The following TPRG1 variants were observed in gnomAD, a reference collection of about 807,000 sequenced individuals.
TPRG1 encodes the protein tumor protein p63 regulated 1, also known as tumor protein p63-regulated gene 1 protein.
A neutral mutation model predicts 29.3 loss-of-function variants in TPRG1; 29 were observed. The ratio of observed to expected loss-of-function variants is 0.99; its 90% CI spans 0.74 to 1.35. TPRG1 has a LOEUF of 1.35. TPRG1 is among the 40% of genes most tolerant of loss of function. The probability of loss-of-function intolerance (pLI) is 0.00; values close to 1 mark genes in which losing one functional copy is unlikely to be tolerated. For synonymous variants in TPRG1, 130 were observed against 116.8 expected (o/e 1.11, Z -0.73); for missense variants, 327 against 335.0 (o/e 0.98, Z 0.19).
intron 1 of TPRG1, among the ~76,000 whole-genome samples, chr3:189,113,602 G>A (rs1431908458): frequency 1.4e-4 from 21 of 152,150 alleles, no homozygotes; most frequent in African/African-American, 4.8e-4. Context: ...GTTGAATTTT[G>A]TCAAAGGCCT....
chr3:189,038,378 A>G (rs1274689443), intron 4 of TPRG1, among the ~76,000 whole-genome samples: 2 of 152,132 alleles, frequency 1.3e-5, no homozygotes, highest in Non-Finnish European at 2.9e-5. Flanking sequence ...TATATAATCA[A>G]TTGATATAAT....
chr3:189,118,690 G>A (rs915133148), intron 1 of TPRG1, among the ~76,000 whole-genome samples: 6 of 152,236 alleles, frequency 3.9e-5, no homozygotes, highest in Admixed American at 2.0e-4. Context: ...TTGCTTCAGC[G>A]AGTGCAAACC....
At chr3:189,052,191 A>T (rs1715363974) in intron 4 of TPRG1, among the ~76,000 whole-genome samples, 1 of 152,248 alleles carries the variant, frequency 6.6e-6, no homozygotes, top group African/African-American at 2.4e-5. Flanking sequence ...TTTACAACCT[A>T]TACATCTGCC....
chr3:189,309,250 T>TA (rs1722112351), intron 4 of TPRG1, among the ~76,000 whole-genome samples: 1 of 152,054 alleles, frequency 6.6e-6, no homozygotes, highest in Non-Finnish European at 1.5e-5. Flanking sequence ...AGCGGAGTGT[T>TA]ATATGCATTT....
chr3:189,015,195 G>T (rs1190150663), intron 3 of TPRG1, among the ~76,000 whole-genome samples: 1 of 152,186 alleles, frequency 6.6e-6, no homozygotes, highest in Non-Finnish European at 1.5e-5. Context: ...GAAAAGACTG[G>T]TGGCATTGTG....
intron 5 of TPRG1, among the ~76,000 whole-genome samples, chr3:189,160,573 G>A (rs1419929713): frequency 6.6e-6 from 1 of 152,210 alleles, no homozygotes; most frequent in Non-Finnish European, 1.5e-5. Context: ...GAGAAGAAAA[G>A]AGGGATAGCG....
At chr3:189,137,685 G>T (rs1723947745) in intron 3 of TPRG1, among the ~76,000 whole-genome samples, 1 of 152,070 alleles carries the variant, frequency 6.6e-6, no homozygotes, top group Non-Finnish European at 1.5e-5. Context: ...GGAGAGAGAG[G>T]CAGGAGGCCT....
chr3:189,295,789 A>G (rs1412204455), intron 4 of TPRG1, among the ~76,000 whole-genome samples: 2 of 152,118 alleles, frequency 1.3e-5, no homozygotes, highest in African/African-American at 2.4e-5. Flanking sequence ...TGGCTCTTAC[A>G]GTATTTTGGA....
intron 1 of TPRG1, chr3:189,121,210 A>G (rs1255423773): frequency 6.6e-6 from 1 of 152,230 alleles, no homozygotes; most frequent in Non-Finnish European, 1.5e-5. Flanking sequence ...CTTTAGGTAG[A>G]GTAAATAATC....
At chr3:189,294,048 A>G (rs781713035) in intron 4 of TPRG1, among the ~76,000 whole-genome samples, 11 of 152,234 alleles carry the variant, frequency 7.2e-5, no homozygotes, top group Admixed American at 1.3e-4. Flanking sequence ...ACACTGGAAC[A>G]TTCAACACGT....
intron 1 of TPRG1, among the ~76,000 whole-genome samples, chr3:189,200,736 AAATTGTAATT>A (rs1733340175): frequency 6.6e-6 from 1 of 152,214 alleles, no homozygotes; most frequent in African/African-American, 2.4e-5. Flanking sequence ...TTATTTAACT[AAATTGTAATT>A]AACTAACTGA....
At chr3:189,164,097 T>A (rs1264163886) in intron 5 of TPRG1, among the ~76,000 whole-genome samples, 1 of 152,114 alleles carries the variant, frequency 6.6e-6, no homozygotes, top group African/African-American at 2.4e-5. Flanking sequence ...AAAGAGAAGA[T>A]TCTTTTATAA....
At chr3:189,034,699 G>C (rs1391110005) in intron 4 of TPRG1, among the ~76,000 whole-genome samples, 1 of 151,968 alleles carries the variant, frequency 6.6e-6, no homozygotes, top group Non-Finnish European at 1.5e-5. Context: ...ACCTCTAAAA[G>C]AATAATAATT....
chr3:189,259,124 G>A (rs774428457), intron 4 of TPRG1, among the ~76,000 whole-genome samples: 35 of 152,166 alleles, frequency 2.3e-4, no homozygotes, highest in Non-Finnish European at 4.6e-4. Flanking sequence ...GGGCTCTGGT[G>A]GTGTAGGCAC....
At chr3:189,215,219 A>ATAT (rs1735881209) in intron 2 of TPRG1, 73 bp from the exon 3 acceptor site, 2 of 1,251,902 alleles carry the variant, frequency 1.6e-6, no homozygotes, top group Middle Eastern at 1.9e-4. Flanking sequence ...AGCTGCTGGA[A>ATAT]TATACTAACT....
At chr3:189,314,097 G>A (rs1459530727) in intron 5 of TPRG1, among the ~76,000 whole-genome samples, 1 of 152,184 alleles carries the variant, frequency 6.6e-6, no homozygotes, top group Non-Finnish European at 1.5e-5. Flanking sequence ...AGTCAAAGAT[G>A]ACAAGGTTTC....
intron 3 of TPRG1, among the ~76,000 whole-genome samples, chr3:189,012,586 G>A (rs1712661054): frequency 1.3e-5 from 2 of 151,994 alleles, no homozygotes; most frequent in South Asian, 4.2e-4. Flanking sequence ...GCTCTTCTTT[G>A]TACATCTGGT....
At chr3:189,035,076 T>C (rs1214416285) in intron 4 of TPRG1, among the ~76,000 whole-genome samples, 6 of 152,024 alleles carry the variant, frequency 3.9e-5, no homozygotes, top group Admixed American at 2.6e-4. Flanking sequence ...ATGGTACTAG[T>C]ATAAAAACAG....
intron 3 of TPRG1, among the ~76,000 whole-genome samples, chr3:189,142,232 G>A (rs1176015660): frequency 6.6e-6 from 1 of 152,134 alleles, no homozygotes; most frequent in Non-Finnish European, 1.5e-5. Flanking sequence ...GTGGTGAGAT[G>A]TTCAGGGAAT....
Sources: allele counts gnomAD v4.1 joint callset (sites outside exome capture counted in the v4.1 genomes callset), GRCh38; gene constraint gnomAD v4.1.1; transcripts MANE v1.5; gene names NCBI Gene and HGNC (gene_info 2026-07-23, HGNC 2026-07-21).